The following PANX3 variants were observed in gnomAD, a reference collection of about 807,000 sequenced individuals.
PANX3 encodes the protein pannexin 3, also known as pannexin-3.
In PANX3, 18 loss-of-function variants were observed where a neutral mutation model predicts 31.5. The ratio of observed to expected loss-of-function variants is 0.57; its 90% CI spans 0.39 to 0.85. PANX3 has a LOEUF of 0.85. PANX3 is among the 40% of genes least tolerant of loss of function. The pLI is 0.00. For synonymous variants in PANX3, 194 were observed against 201.6 expected (o/e 0.96, Z 0.32); for missense variants, 426 against 485.4 (o/e 0.88, Z 1.15).
Position 124,617,349 on chromosome 11 carries a change from C to A in PANX3, c.400C>A (p.Pro134Thr). 1 of 1,612,926 alleles carries A rather than the reference C, an allele frequency of 6.2e-7. No homozygotes were observed. Among genetic ancestry groups the A allele is most frequent in the Non-Finnish European group, 8.5e-7 (1 of 1,180,016 alleles). Residue 134 changes from proline to threonine, a missense_variant, in exon 3 of 4, where the codon CCA becomes ACA. Coordinates refer to ENST00000284288, the MANE Select transcript of PANX3 (RefSeq NM_052959.3). ...PVLLWQYAAV[P>T]ALSSDLLFII... Reference sequence around the variant, plus strand: ...GCTGCTGTGGCAGTATGCAGCTGTGCCAGCCCTCAGCTCCGATCTGCTGTT... The same window carrying A: ...GCTGCTGTGGCAGTATGCAGCTGTGACAGCCCTCAGCTCCGATCTGCTGTT...
At chr11:124,618,865 C>A (rs1356361749) in intron 3 of PANX3, among the ~76,000 whole-genome samples, 1 of 152,166 alleles carries the variant, frequency 6.6e-6, no homozygotes, top group East Asian at 1.9e-4. Context: ...ATGGTAGTCT[C>A]AAACCCCTGG....
At chr11:124,618,707 C>A (rs185852812) in intron 3 of PANX3, among the ~76,000 whole-genome samples, 2 of 152,146 alleles carry the variant, frequency 1.3e-5, no homozygotes, top group African/African-American at 4.8e-5. Context: ...TGCAGTGGCA[C>A]GATCTTGGCT....
In PANX3 at chr11:124,619,725, C is replaced by G. The variant is rs750426425; in HGVS notation, c.969C>G (p.Ile323Met). ...LLSRKMLGCPINDLNVILLFL... is the reference protein window; with the variant it reads ...LLSRKMLGCPMNDLNVILLFL... ...GCAGAAAGATGCTAGGATGTCCCATCAATGACCTCAATGTGATCCTTCTTT... is the reference window on the plus strand; with the variant it reads ...GCAGAAAGATGCTAGGATGTCCCATGAATGACCTCAATGTGATCCTTCTTT... Residue 323 changes from isoleucine to methionine, a missense_variant, in exon 4 of 4, where the codon ATC (isoleucine) becomes ATG (methionine). Physicochemically the swap from Ile to Met is conservative, Grantham distance 10 (BLOSUM62 1). Transcript: ENST00000284288. 3 of 1,614,198 alleles carry G rather than the reference C, an allele frequency of 1.9e-6. No homozygotes were observed. The highest frequency in any genetic ancestry group is 2.2e-5 in the South Asian group (2 of 91,076).
In PANX3 at chr11:124,611,584, T is replaced by G; in HGVS notation, c.28T>G (p.Tyr10Asp). Residue 10 changes from tyrosine to aspartate, a missense_variant, in exon 1 of 4, where the codon TAC becomes GAC. Physicochemically the swap from Tyr to Asp is radical, Grantham distance 160. Coordinates refer to ENST00000284288, the MANE Select transcript of PANX3 (RefSeq NM_052959.3). Reference protein sequence around the residue: MSLAHTAAEYMLSDALLPDR... With the variant: MSLAHTAAEDMLSDALLPDR... ...GTCACTTGCACACACAGCTGCAGAGTACATGCTCTCAGATGCCCTGCTGCC... is the reference window on the plus strand; with the variant it reads ...GTCACTTGCACACACAGCTGCAGAGGACATGCTCTCAGATGCCCTGCTGCC... The G allele has an allele frequency of 6.2e-7, 1 of 1,613,812 alleles. No individual in the cohort carries two copies. The highest frequency in any genetic ancestry group is 8.5e-7 in the Non-Finnish European group (1 of 1,179,866).
chr11:124,614,167 TAAAA>T (rs71042444), intron 2 of PANX3, among the ~76,000 whole-genome samples: 1,533 of 73,504 alleles, frequency 0.021, 20 homozygotes, highest in Middle Eastern at 0.055. Flanking sequence ...ATCTAAATGG[TAAAA>T]AAAAAAAAAA....
chr11:124,614,670 C>CTTTTT lies in PANX3; in HGVS notation c.324+1567_324+1571dup, dbSNP rs138365917. ...GGTTTATTTTCAATAAACGCCCTTTCTTTTTTTTTTTTTTTTTTTTTTTGA... is the reference window on the plus strand; with the variant it reads ...GGTTTATTTTCAATAAACGCCCTTTCTTTTTTTTTTTTTTTTTTTTTTTTTTTTGA... On this transcript the variant is annotated intron_variant, in intron 2 of 3. Transcript: ENST00000284288. Among the ~76,000 whole-genome samples, 727 of 95,282 alleles carry CTTTTT rather than the reference C, an allele frequency of 7.6e-3. 1 individual carries two copies. Among genetic ancestry groups the CTTTTT allele is most frequent in the Non-Finnish European group, 9.4e-3 (474 of 50,254 alleles). 62.5% of individuals were successfully genotyped at this position (95,282 alleles called of 152,430 possible). A position where few individuals can be genotyped will look rare whatever the true frequency, so the allele number is the denominator to read the frequency against.
In PANX3 at chr11:124,617,421, G is replaced by A. The variant is rs369951022; in HGVS notation, c.472G>A (p.Val158Met). 19 of 1,614,062 alleles carry A rather than the reference G, an allele frequency of 1.2e-5. No homozygotes were observed. The highest frequency in any genetic ancestry group is 2.2e-5 in the East Asian group (1 of 44,902). ...ATCTTATAATCGCTCCATCCGCCTCGTGCAGCACATGCTGAAGATCCGGCA... is the reference window on the plus strand; with the variant it reads ...ATCTTATAATCGCTCCATCCGCCTCATGCAGCACATGCTGAAGATCCGGCA... ...DKSYNRSIRL[V>M]QHMLKIRQKS... Residue 158 changes from valine to methionine, a missense_variant, in exon 3 of 4, where the codon GTG becomes ATG. Physicochemically the swap from Val to Met is conservative, Grantham distance 21. Transcript: ENST00000284288.
In PANX3 at chr11:124,620,305, A is replaced by C. The variant is rs1476302830; in HGVS notation, c.*370A>C. On this transcript the variant is annotated 3_prime_UTR_variant, in exon 4 of 4. Coordinates refer to ENST00000284288, the MANE Select transcript of PANX3 (RefSeq NM_052959.3). The stretch of plus-strand genomic sequence containing the variant: ...AACGCACATTCAGCTTACCCCAGAG[A>C]GCAAGTGAGGCAATCTGGCAAAAGA... 5.7e-6 allele frequency: 1 copy of C among 174,188 alleles called. No individual in the cohort carries two copies. The highest frequency in any genetic ancestry group is 1.2e-5 in the Non-Finnish European group (1 of 83,328). The allele number at this position is 174,188 out of a possible 1,614,324, so 10.8% of individuals were successfully genotyped here.
intron 3 of PANX3, 124 bp downstream of exon 3, chr11:124,617,612 T>A (rs1754461591): frequency 2.3e-6 from 2 of 876,442 alleles, no homozygotes; most frequent in Admixed American, 4.1e-5. Context: ...GCTTAACACA[T>A]CATCTCATTA....
At chr11:124,619,089 T>C (rs557844797) in intron 3 of PANX3, among the ~76,000 whole-genome samples, 59 of 152,352 alleles carry the variant, frequency 3.9e-4, no homozygotes, top group Non-Finnish European at 7.2e-4. Context: ...ACTGGGTTTA[T>C]CACATTGCAG....
chr11:124,617,442 C>T lies in PANX3; in HGVS notation c.493C>T (p.Arg165Trp), dbSNP rs149324907. The T allele has an allele frequency of 5.5e-4, 881 of 1,614,224 alleles. 11 individuals carry two copies. The East Asian group carries it at 0.018, about 32-fold the overall frequency. Residue 165 changes from arginine to tryptophan, a missense_variant, in exon 3 of 4, where the codon CGG becomes TGG. Physicochemically the swap from Arg to Trp is moderately radical, Grantham distance 101 (BLOSUM62 -3). Coordinates refer to ENST00000284288, the MANE Select transcript of PANX3 (RefSeq NM_052959.3). ...IRLVQHMLKI[R>W]QKSSDPYVFW... ...CCTCGTGCAGCACATGCTGAAGATC[C>T]GGCAGAAGAGTTCCGACCCCTATGT... is the stretch of plus-strand genomic sequence containing the variant.
chr11:124,615,948 A>G (rs1007641488), intron 2 of PANX3, among the ~76,000 whole-genome samples: 2 of 152,176 alleles, frequency 1.3e-5, no homozygotes, highest in African/African-American at 4.8e-5. Flanking sequence ...CAGGAGGCGG[A>G]GCTTGCAGTG....
Position 124,619,870 on chromosome 11 carries a change from T to C in PANX3, c.1114T>C (p.Leu372=), listed in dbSNP as rs1266397974. 5.0e-6 allele frequency: 8 copies of C among 1,614,134 alleles called. No homozygotes were observed. The East Asian group carries it at 1.1e-4, about 22-fold the overall frequency. Residue 372 remains leucine, a synonymous_variant, in exon 4 of 4, where the codon TTG becomes CTG. Transcript: ENST00000284288. ...CACAGTAGTTGATTTTATGACTTTA[T>C]TGGCTGGCTTAGAACCCTCAAAACC... ...IDTVVDFMTL[L]AGLEPSKPKH... is the part of the protein sequence containing the mutation.
rs748375335 is a variant in PANX3, at chr11:124,619,992, C to T, written c.*57C>T. The T allele has an allele frequency of 6.6e-7, 1 of 1,525,650 alleles. No individual in the cohort carries two copies. The highest frequency in any genetic ancestry group is 8.8e-7 in the Non-Finnish European group (1 of 1,136,436). 94.5% of individuals were successfully genotyped at this position (1,525,650 alleles called of 1,614,324 possible). A position where few individuals can be genotyped will look rare whatever the true frequency, so the allele number is the denominator to read the frequency against. On this transcript the variant is annotated 3_prime_UTR_variant, in exon 4 of 4. Coordinates refer to ENST00000284288, the MANE Select transcript of PANX3 (RefSeq NM_052959.3). ...AAAGTCTCTCTCCTTCCTCATAAGA[C>T]ATGCACACTAATACACATACACACC...
intron 3 of PANX3, 26 bp from the exon 4 acceptor site, chr11:124,619,270 C>G: frequency 6.3e-7 from 1 of 1,597,290 alleles, no homozygotes; most frequent in Non-Finnish European, 8.5e-7. Context: ...CACTACTAAC[C>G]TTGCCTCCTT....
intron 2 of PANX3, 91 bp from the exon 3 acceptor site, chr11:124,617,183 G>A: frequency 9.4e-7 from 1 of 1,066,524 alleles, no homozygotes; most frequent in Non-Finnish European, 1.4e-6. Context: ...TGCTGAGGCA[G>A]GAACAGGGGA....
At chr11:124,612,674 T>A (rs1360836381) in intron 1 of PANX3, among the ~76,000 whole-genome samples, 1 of 152,116 alleles carries the variant, frequency 6.6e-6, no homozygotes, top group African/African-American at 2.4e-5. Flanking sequence ...GACATCACCA[T>A]CAAACCGCAA....
At position 124,617,420 on chromosome 11, in the gene PANX3, C is replaced by T. The variant is rs992944475; in HGVS notation, c.471C>T (p.Leu157=). ...LDKSYNRSIR[L]VQHMLKIRQK... is the part of the protein sequence containing the mutation. ...AATCTTATAATCGCTCCATCCGCCT[C>T]GTGCAGCACATGCTGAAGATCCGGC... The change falls in exon 3 of 4, where the codon CTC becomes CTT. Residue 157 remains leucine, a synonymous_variant. Coordinates refer to ENST00000284288, the MANE Select transcript of PANX3 (RefSeq NM_052959.3). 10 of 1,614,106 alleles carry T rather than the reference C, an allele frequency of 6.2e-6. No homozygotes were observed. Among genetic ancestry groups the T allele is most frequent in the East Asian group, 4.5e-5 (2 of 44,904 alleles).
In PANX3 at chr11:124,616,203, C is replaced by T. The variant is rs150165182; in HGVS notation, c.325-1071C>T. Among the ~76,000 whole-genome samples the T allele has an allele frequency of 2.9e-3, 439 of 152,210 alleles. No homozygotes were observed. The highest frequency in any genetic ancestry group is 5.2e-3 in the Admixed American group (79 of 15,284). The stretch of plus-strand genomic sequence containing the variant: ...GGGTGGCTTCAACAATCAAAATTAT[C>T]GTCTCAGGGTTCTGGAGACCGGAAG... On this transcript the variant is annotated intron_variant, in intron 2 of 3. Coordinates refer to ENST00000284288, the MANE Select transcript of PANX3 (RefSeq NM_052959.3). This position sits in a 1 kb window ranked among gnomAD's most constrained non-coding sequence, Gnocchi z 4.8.
Sources: allele counts gnomAD v4.1 joint callset (sites outside exome capture counted in the v4.1 genomes callset), GRCh38; gene constraint gnomAD v4.1.1; non-coding constraint Gnocchi (gnomAD v3.1); transcripts MANE v1.5; gene names NCBI Gene and HGNC (gene_info 2026-07-23, HGNC 2026-07-21).